The following ACOXL variants were observed in gnomAD, a reference collection of about 807,000 sequenced individuals.
The protein encoded by ACOXL is acyl-coenzyme A oxidase-like protein.
ACOXL carries 70 observed loss-of-function variants against 71.9 expected under a neutral mutation model. The observed-to-expected ratio is 0.97, with a 90% CI of 0.80 to 1.19. The LOEUF is 1.19. ACOXL is among the 50% of genes most tolerant of loss of function. The probability of loss-of-function intolerance (pLI) is 0.00; values close to 1 mark genes in which losing one functional copy is unlikely to be tolerated. For missense variants in ACOXL, 703 were observed against 736.3 expected, an observed-to-expected ratio of 0.95 and a Z score of 0.52; for synonymous variants, 253 against 281.6, an observed-to-expected ratio of 0.90 and a Z score of 1.02.
In ACOXL at chr2:110,754,197, G is replaced by A. The variant is rs534217951; in HGVS notation, c.-22-14171G>A. 8.0e-5 allele frequency among the ~76,000 whole-genome samples: 12 copies of A among 150,760 alleles called. No homozygotes were observed. In the South Asian group the frequency reaches 1.9e-3, roughly 24 times the overall value. On this transcript the variant is annotated intron_variant, in intron 1 of 17. Coordinates refer to ENST00000439055, the MANE Select transcript of ACOXL (RefSeq NM_001142807.4). The stretch of plus-strand genomic sequence containing the variant: ...AAGCAATCCTCCCACCTCATCCTCC[G>A]AAGTAGCTAGGACTACAGACATGCA...
chr2:110,912,796 C>A (rs2059692003), intron 11 of ACOXL, among the ~76,000 whole-genome samples: 3 of 152,170 alleles, frequency 2.0e-5, no homozygotes, highest in Admixed American at 2.0e-4. Flanking sequence ...TAAAAAGTCA[C>A]CATCAAGAAA....
intron 12 of ACOXL, among the ~76,000 whole-genome samples, chr2:110,981,520 A>G (rs2062707592): frequency 6.6e-6 from 1 of 152,256 alleles, no homozygotes. Flanking sequence ...TAGGTATTCC[A>G]TCTAAAGAGT....
At chr2:110,799,170 C>A in intron 7 of ACOXL, 70 bp downstream of exon 7, 1 of 1,450,536 alleles carries the variant, frequency 6.9e-7, no homozygotes, top group Non-Finnish European at 9.7e-7. Context: ...CAAGGAGAAT[C>A]TAACCTACGT....
intron 14 of ACOXL, among the ~76,000 whole-genome samples, chr2:111,002,850 T>C (rs2063699037): frequency 6.6e-6 from 1 of 152,214 alleles, no homozygotes; most frequent in African/African-American, 2.4e-5. Flanking sequence ...GCGTTATACT[T>C]GTGAGCATCT....
intron 16 of ACOXL, among the ~76,000 whole-genome samples, chr2:111,054,504 A>G (rs1185289584): frequency 6.6e-6 from 1 of 152,174 alleles, no homozygotes; most frequent in Non-Finnish European, 1.5e-5. Flanking sequence ...AAGCCTGCAG[A>G]GACAGCTCCC....
intron 9 of ACOXL, among the ~76,000 whole-genome samples, chr2:110,830,785 G>A (rs1046889015): frequency 1.3e-5 from 2 of 151,932 alleles, no homozygotes; most frequent in East Asian, 3.9e-4. Context: ...CCCCCACCTC[G>A]GCCTCCCAAA....
At position 111,117,918 on chromosome 2, in the gene ACOXL, G is replaced by A. The variant is rs1367867205; in HGVS notation, c.*102G>A. On this transcript the variant is annotated 3_prime_UTR_variant, in exon 18 of 18. Transcript: ENST00000439055. The stretch of plus-strand genomic sequence containing the variant: ...GAGGCCGGGGGCTGGCACCCGCTGG[G>A]CCGCCACTCTCGGGGATTTTGGTGG... The A allele has an allele frequency of 3.0e-6, 4 of 1,336,440 alleles. No homozygotes were observed. Among genetic ancestry groups the A allele is most frequent in the Non-Finnish European group, 4.0e-6 (4 of 1,000,704 alleles). The allele number at this position is 1,336,440 out of a possible 1,614,324, so 82.8% of individuals were successfully genotyped here.
intron 16 of ACOXL, among the ~76,000 whole-genome samples, chr2:111,059,120 C>G (rs1156386839): frequency 6.6e-6 from 1 of 152,164 alleles, no homozygotes; most frequent in African/African-American, 2.4e-5. Flanking sequence ...GCCTGTAGTT[C>G]CAGTTATTCA....
intron 1 of ACOXL, among the ~76,000 whole-genome samples, chr2:110,761,614 C>T (rs1229910234): frequency 6.6e-6 from 1 of 152,196 alleles, no homozygotes; most frequent in Non-Finnish European, 1.5e-5. Flanking sequence ...TAAAGGCCTC[C>T]TGTCTGCATT....
chr2:110,869,562 G>T (rs1442209992), intron 10 of ACOXL, among the ~76,000 whole-genome samples: 1 of 152,172 alleles, frequency 6.6e-6, no homozygotes, highest in African/African-American at 2.4e-5. Context: ...GCTGGGGCTC[G>T]CATCTCTTCC....
At position 110,756,234 on chromosome 2, in the gene ACOXL, C is replaced by T. The variant is rs190331243; in HGVS notation, c.-22-12134C>T. On this transcript the variant is annotated intron_variant, in intron 1 of 17. Transcript: ENST00000439055. ...CTCCGCCTCCCGGGTTCAAGTGATT[C>T]TCCTGTCTCAGCCTCCCGAGTAGCT... 2.8e-3 allele frequency among the ~76,000 whole-genome samples: 430 copies of T among 152,220 alleles called. 2 individuals carry two copies. The highest frequency in any genetic ancestry group is 4.1e-3 in the Non-Finnish European group (280 of 68,026).
At chr2:111,107,768 G>A (rs191020383) in intron 17 of ACOXL, among the ~76,000 whole-genome samples, 29 of 152,344 alleles carry the variant, frequency 1.9e-4, no homozygotes, top group Non-Finnish European at 5.9e-5. Context: ...GATTACAGGC[G>A]TGAGTCACCA....
chr2:110,933,429 C>T (rs2060550659), intron 11 of ACOXL, 60 bp from the exon 12 acceptor site: 26 of 1,561,820 alleles, frequency 1.7e-5, no homozygotes, highest in Non-Finnish European at 2.3e-5. Flanking sequence ...GATAATGCTC[C>T]TTCACACATG....
At chr2:110,834,347 T>C (rs765117958) in intron 9 of ACOXL, among the ~76,000 whole-genome samples, 1 of 152,226 alleles carries the variant, frequency 6.6e-6, no homozygotes, top group Non-Finnish European at 1.5e-5. Context: ...GAAAACACCG[T>C]GTGTGGTTTA....
chr2:110,863,595 C>T (rs966955340), intron 10 of ACOXL, among the ~76,000 whole-genome samples: 1 of 151,670 alleles, frequency 6.6e-6, no homozygotes, highest in Admixed American at 6.6e-5. Flanking sequence ...CCCTGAGCAC[C>T]CCCCCCAACT....
chr2:110,751,000 T>A (rs1159689297), intron 1 of ACOXL, among the ~76,000 whole-genome samples: 1 of 151,800 alleles, frequency 6.6e-6, no homozygotes, highest in Non-Finnish European at 1.5e-5. Context: ...ACTTTATATT[T>A]AAAAATTTAG....
At chr2:110,862,152 G>T (rs1403704284) in intron 10 of ACOXL, among the ~76,000 whole-genome samples, 1 of 151,980 alleles carries the variant, frequency 6.6e-6, no homozygotes, top group African/African-American at 2.4e-5. Flanking sequence ...GGGCCACTTC[G>T]TCCCTCCCAG....
At chr2:110,870,837 A>T (rs1695187475) in intron 10 of ACOXL, among the ~76,000 whole-genome samples, 1 of 151,970 alleles carries the variant, frequency 6.6e-6, no homozygotes, top group African/African-American at 2.4e-5. Context: ...TGGTGGGGGG[A>T]GGAACCCATA....
At chr2:111,088,983 C>T (rs1440248986) in intron 16 of ACOXL, among the ~76,000 whole-genome samples, 2 of 152,100 alleles carry the variant, frequency 1.3e-5, no homozygotes, top group African/African-American at 2.4e-5. Flanking sequence ...TCTTATACTT[C>T]CTTTCTTAAT....
Sources: gnomAD v4.1 joint callset for allele counts (sites outside exome capture counted in the v4.1 genomes callset) on GRCh38, gnomAD v4.1.1 for gene constraint, MANE v1.5 for transcripts, NCBI Gene and HGNC (gene_info 2026-07-23, HGNC 2026-07-21) for gene names.